MSH3: variants seen among roughly 807,000 people sequenced by gnomAD.
MSH3 encodes DNA mismatch repair protein Msh3.
MSH3 carries 106 observed loss-of-function variants against 123.3 expected under a neutral mutation model. The observed-to-expected ratio is 0.86, with a 90% CI of 0.73 to 1.01. MSH3 has a LOEUF of 1.01. MSH3 is among the 50% of genes least tolerant of loss of function. The pLI is 0.00. For synonymous variants in MSH3, 515 were observed against 481.4 expected, an observed-to-expected ratio of 1.07 and a Z score of -0.91; for missense variants, 1,459 against 1,347.6, an observed-to-expected ratio of 1.08 and a Z score of -1.29.
chr5:80,832,251 A>C (rs1745432777), intron 20 of MSH3, among the ~76,000 whole-genome samples: 1 of 152,160 alleles, frequency 6.6e-6, no homozygotes, highest in Non-Finnish European at 1.5e-5. Context: ...AGAGTTTTCC[A>C]GGATGGGGAA....
At chr5:80,753,194 T>A (rs1031908235) in intron 12 of MSH3, among the ~76,000 whole-genome samples, 3 of 152,144 alleles carry the variant, frequency 2.0e-5, no homozygotes, top group Non-Finnish European at 4.4e-5. Context: ...ATGTTGAACT[T>A]GAGAGCATCT....
At position 80,665,312 on chromosome 5, in the gene MSH3, C is replaced by A; in HGVS notation, c.528C>A (p.His176Gln). 1 of 1,613,564 alleles carries A rather than the reference C, an allele frequency of 6.2e-7. No homozygotes were observed. Among genetic ancestry groups the A allele is most frequent in the Non-Finnish European group, 8.5e-7 (1 of 1,179,976 alleles). Residue 176 changes from histidine (H) to glutamine (Q), a missense_variant, in exon 3 of 24, where the codon CAC becomes CAA. By Grantham distance (24) the His-to-Gln change is conservative (BLOSUM62 0). Coordinates refer to ENST00000265081, the MANE Select transcript of MSH3 (RefSeq NM_002439.5). ...ATTTTGATGATATCAGTCTTCTACACGCAAAGAATGCAGTTTCTTCTGAAG... is the reference window on the plus strand; with the variant it reads ...ATTTTGATGATATCAGTCTTCTACAAGCAAAGAATGCAGTTTCTTCTGAAG... Reference protein sequence around the residue: ...CTDFDDISLLHAKNAVSSEDS... With the variant: ...CTDFDDISLLQAKNAVSSEDS...
At position 80,761,672 on chromosome 5, in the gene MSH3, C is replaced by G; in HGVS notation, c.1890C>G (p.His630Gln). Residue 630 changes from histidine to glutamine, a missense_variant, in exon 13 of 24, where the codon CAC (histidine) becomes CAG (glutamine). Transcript: ENST00000265081. ...DIERGLCSIY[H>Q]KKCSTQEFFL... ...AGAGGGGACTCTGTAGCATTTATCA[C>G]AAAAAAGTAAGTGTGATAGAAATCT... 6.2e-7 allele frequency: 1 copy of G among 1,613,864 alleles called. No individual in the cohort carries two copies. The highest frequency in any genetic ancestry group is 8.5e-7 in the Non-Finnish European group (1 of 1,179,938).
chr5:80,848,419 G>A (rs1745762656), intron 20 of MSH3, among the ~76,000 whole-genome samples: 1 of 152,036 alleles, frequency 6.6e-6, no homozygotes, highest in African/African-American at 2.4e-5. Context: ...ATACCAAATC[G>A]AGATTTTGCT....
At chr5:80,776,509 A>T in intron 16 of MSH3, among the ~76,000 whole-genome samples, 1 of 152,092 alleles carries the variant, frequency 6.6e-6, no homozygotes, top group Admixed American at 6.6e-5. Flanking sequence ...AATTATTATA[A>T]TTCTTTACAT....
At chr5:80,793,719 T>C (rs1385096066) in intron 19 of MSH3, among the ~76,000 whole-genome samples, 1 of 152,084 alleles carries the variant, frequency 6.6e-6, no homozygotes, top group Non-Finnish European at 1.5e-5. Context: ...AAAGAAGTGT[T>C]CAGAGATAAG....
chr5:80,654,824 A>G lies in MSH3; in HGVS notation c.97A>G (p.Ser33Gly), dbSNP rs772142059. Residue 33 changes from serine (S) to glycine (G), a missense_variant, in exon 1 of 24, where the codon AGC becomes GGC. Transcript: ENST00000265081. Reference sequence around the variant, plus strand: ...GAGCCGATTCTTCCAGTCTACGGGAAGCCTGAAATCCACCTCCTCCTCCAC... The same window carrying G: ...GAGCCGATTCTTCCAGTCTACGGGAGGCCTGAAATCCACCTCCTCCTCCAC... ...VLSRFFQSTG[S>G]LKSTSSSTGA... The G allele has an allele frequency of 3.7e-6, 6 of 1,605,212 alleles. No individual in the cohort carries two copies. The highest frequency in any genetic ancestry group is 3.4e-5 in the Admixed American group (2 of 59,258).
intron 7 of MSH3, 102 bp downstream of exon 7, chr5:80,675,230 C>A: frequency 8.0e-7 from 1 of 1,244,084 alleles, no homozygotes; most frequent in Non-Finnish European, 1.2e-6. Flanking sequence ...ATGAAGTGTA[C>A]CTTCAGATAA....
At position 80,787,570 on chromosome 5, in the gene MSH3, T is replaced by G. The variant is rs1580051105; in HGVS notation, c.2441T>G (p.Phe814Cys). 14 of 1,611,978 alleles carry G rather than the reference T, an allele frequency of 8.7e-6. No homozygotes were observed. Among genetic ancestry groups the G allele is most frequent in the Non-Finnish European group, 1.1e-5 (13 of 1,178,130 alleles). Residue 814 changes from phenylalanine (F) to cysteine (C), a missense_variant, in exon 18 of 24, where the codon TTC becomes TGC. Phe to Cys is a radical substitution (Grantham distance 205). Coordinates refer to ENST00000265081, the MANE Select transcript of MSH3 (RefSeq NM_002439.5). ...TGTTGCTGCTGCTTCCGTAGGAAAT[T>G]CAGTGAACATTATCACTCCTTGTGT... ...SAEWLDFLEK[F>C]SEHYHSLCKA...
At chr5:80,771,734 G>C (rs751779250) in intron 15 of MSH3, among the ~76,000 whole-genome samples, 2 of 152,044 alleles carry the variant, frequency 1.3e-5, no homozygotes, top group South Asian at 2.1e-4. Context: ...TGTGGATCTT[G>C]TTATTTTTAC....
chr5:80,691,741 A>G (rs1467926925), intron 8 of MSH3, among the ~76,000 whole-genome samples: 2 of 147,262 alleles, frequency 1.4e-5, no homozygotes, highest in Non-Finnish European at 3.0e-5. Flanking sequence ...TTACATATAT[A>G]TGTGTGTGTA....
At position 80,814,901 on chromosome 5, in the gene MSH3, C is replaced by T. The variant is rs148363391; in HGVS notation, c.2813+1160C>T. Among the ~76,000 whole-genome samples the T allele has an allele frequency of 5.9e-5, 9 of 152,270 alleles. 1 individual carries two copies. The highest frequency in any genetic ancestry group is 2.2e-4 in the African/African-American group (9 of 41,552). On this transcript the variant is annotated intron_variant, in intron 20 of 23. Transcript: ENST00000265081. ...TATCCTGGCTTCACTAAGGAGAATT[C>T]GTAGTTTAATCTGTTTAACACCTTC...
intron 8 of MSH3, among the ~76,000 whole-genome samples, chr5:80,688,885 C>A (rs1750162740): frequency 6.6e-6 from 1 of 152,058 alleles, no homozygotes; most frequent in Non-Finnish European, 1.5e-5. Context: ...TGCAGTGTTA[C>A]AGTTCTATCA....
intron 10 of MSH3, among the ~76,000 whole-genome samples, chr5:80,729,243 G>T (rs1028215294): frequency 6.6e-6 from 1 of 151,446 alleles, no homozygotes; most frequent in Non-Finnish European, 1.5e-5. Context: ...GTGAAACCCC[G>T]TCTCTACTAA....
At chr5:80,744,908 A>AG (rs140127524) in intron 12 of MSH3, among the ~76,000 whole-genome samples, 34,410 of 151,914 alleles carry the variant, frequency 0.23, 4,097 homozygotes, top group Non-Finnish European at 0.27. Context: ...TGATAGCCAG[A>AG]GGGAGTTCAT....
chr5:80,715,929 A>G (rs1750950933), intron 8 of MSH3, among the ~76,000 whole-genome samples: 1 of 152,066 alleles, frequency 6.6e-6, no homozygotes, highest in Non-Finnish European at 1.5e-5. Context: ...CAACCATATC[A>G]TATATGGAAG....
intron 3 of MSH3, among the ~76,000 whole-genome samples, chr5:80,666,008 T>C (rs1749559956): frequency 6.6e-6 from 1 of 152,036 alleles, no homozygotes; most frequent in African/African-American, 2.4e-5. Context: ...TCTTATCTAA[T>C]TGGTTTTCAC....
chr5:80,674,824 A>G (rs964909563), intron 6 of MSH3, among the ~76,000 whole-genome samples, 159 bp from the exon 7 acceptor site: 1 of 151,934 alleles, frequency 6.6e-6, no homozygotes, highest in Non-Finnish European at 1.5e-5. Flanking sequence ...AAGTAATCCT[A>G]CCACCTTGGC....
At chr5:80,731,193 G>A (rs1025083294) in intron 10 of MSH3, among the ~76,000 whole-genome samples, 1 of 151,992 alleles carries the variant, frequency 6.6e-6, no homozygotes, top group Non-Finnish European at 1.5e-5. Context: ...GTGAGCCACC[G>A]TGTCCGGCCT....
Sources: allele counts gnomAD v4.1 joint callset (sites outside exome capture counted in the v4.1 genomes callset), GRCh38; gene constraint gnomAD v4.1.1; transcripts MANE v1.5; gene names NCBI Gene and HGNC (gene_info 2026-07-23, HGNC 2026-07-21).